Variants in STPG2 observed in about 807,000 individuals in gnomAD.
The protein encoded by STPG2 is sperm tail PG-rich repeat containing 2.
In STPG2, 56 loss-of-function variants were observed where a neutral mutation model predicts 54.2. The observed-to-expected ratio is 1.03, with a 90% CI of 0.83 to 1.29. The LOEUF (loss-of-function observed/expected upper bound fraction) is 1.29. STPG2 is among the 50% of genes most tolerant of loss of function. The probability of loss-of-function intolerance (pLI) is 0.00; values close to 1 mark genes in which losing one functional copy is unlikely to be tolerated. For missense variants in STPG2, 596 were observed against 544.9 expected (o/e 1.09, Z -0.93); for synonymous variants, 200 against 181.8 (o/e 1.10, Z -0.81).
chr4:97,492,852 T>C (rs1730530929), intron 4 of STPG2, among the ~76,000 whole-genome samples: 1 of 150,662 alleles, frequency 6.6e-6, no homozygotes, highest in Admixed American at 6.7e-5. Context: ...GAAGATTGTA[T>C]TTCTAAGATG....
At chr4:97,970,520 T>G (rs547460775) in intron 7 of STPG2, among the ~76,000 whole-genome samples, 2 of 152,258 alleles carry the variant, frequency 1.3e-5, no homozygotes, top group African/African-American at 4.8e-5. Flanking sequence ...TCTACAACCA[T>G]CTGATCTTTG....
chr4:97,591,360 T>C (rs1251156681), intron 10 of STPG2, among the ~76,000 whole-genome samples: 4 of 152,160 alleles, frequency 2.6e-5, no homozygotes, highest in Non-Finnish European at 5.9e-5. Context: ...TAGCAATGGA[T>C]GAATATATGT....
chr4:97,827,324 A>T (rs1301991456), intron 9 of STPG2, among the ~76,000 whole-genome samples: 1 of 146,718 alleles, frequency 6.8e-6, no homozygotes, highest in Non-Finnish European at 1.5e-5. Context: ...CAAGCTCCTC[A>T]TCCCGGGTTC....
At chr4:97,998,476 T>G (rs886752096) in intron 5 of STPG2, among the ~76,000 whole-genome samples, 1 of 152,126 alleles carries the variant, frequency 6.6e-6, no homozygotes, top group Non-Finnish European at 1.5e-5. Flanking sequence ...CTAGAAATAC[T>G]ACATGCATCA....
chr4:97,752,125 C>A (rs1725598908), intron 9 of STPG2, among the ~76,000 whole-genome samples: 1 of 151,740 alleles, frequency 6.6e-6, no homozygotes, highest in South Asian at 2.1e-4. Context: ...TTACTTACAT[C>A]CCTTTTAAAG....
intron 5 of STPG2, among the ~76,000 whole-genome samples, chr4:98,101,266 A>G (rs1490206698): frequency 2.0e-5 from 3 of 152,234 alleles, no homozygotes; most frequent in African/African-American, 7.2e-5. Flanking sequence ...AATCATAAAA[A>G]GTTAGGGATC....
chr4:97,564,990 G>C (rs1321421725), intron 10 of STPG2, among the ~76,000 whole-genome samples: 1 of 152,188 alleles, frequency 6.6e-6, no homozygotes, highest in Admixed American at 6.5e-5. Flanking sequence ...TGCCTTGCTA[G>C]ACTGGGGAAG....
chr4:97,897,974 T>C (rs1731025471), intron 8 of STPG2, among the ~76,000 whole-genome samples: 2 of 152,160 alleles, frequency 1.3e-5, no homozygotes, highest in South Asian at 4.1e-4. Flanking sequence ...CATGAAATCT[T>C]TGCCCACTCC....
chr4:97,590,638 G>GACACACAGACAC, intron 10 of STPG2, among the ~76,000 whole-genome samples: 1 of 138,708 alleles, frequency 7.2e-6, no homozygotes, highest in African/African-American at 2.6e-5. Flanking sequence ...CAGACACACA[G>GACACACAGACAC]ACACACACAC....
intron 9 of STPG2, among the ~76,000 whole-genome samples, chr4:97,836,715 C>G (rs1372087901): frequency 6.6e-6 from 1 of 151,518 alleles, no homozygotes; most frequent in East Asian, 1.9e-4. Context: ...CCTTCTTCCT[C>G]TATTAATCTG....
chr4:97,746,318 T>C (rs999192970), intron 9 of STPG2, among the ~76,000 whole-genome samples: 9 of 151,292 alleles, frequency 5.9e-5, no homozygotes, highest in African/African-American at 1.9e-4. Context: ...ATGATATTCA[T>C]ATTTAAGTCC....
chr4:98,084,937 A>AT (rs1310624234), intron 5 of STPG2, among the ~76,000 whole-genome samples: 1 of 152,124 alleles, frequency 6.6e-6, no homozygotes, highest in Non-Finnish European at 1.5e-5. Context: ...CTCAATGAGC[A>AT]TAAGTATTTA....
intron 10 of STPG2, among the ~76,000 whole-genome samples, chr4:97,634,995 CA>C (rs1317559020): frequency 5.3e-5 from 8 of 152,106 alleles, no homozygotes; most frequent in African/African-American, 1.7e-4. Flanking sequence ...GAGAACGCCA[CA>C]AAGATACTCC....
intron 9 of STPG2, among the ~76,000 whole-genome samples, chr4:97,754,588 G>A (rs1725673996): frequency 6.6e-6 from 1 of 151,992 alleles, no homozygotes; most frequent in African/African-American, 2.4e-5. Flanking sequence ...CCATACTCAG[G>A]TAGCTAACTC....
At chr4:97,493,872 A>T (rs1271477979) in intron 4 of STPG2, among the ~76,000 whole-genome samples, 2 of 151,612 alleles carry the variant, frequency 1.3e-5, no homozygotes, top group African/African-American at 4.8e-5. Flanking sequence ...GACTCTTTGC[A>T]AAGATGGAAT....
rs568633712 is a variant in STPG2, at chr4:97,793,360, G to A, written c.1204+47413C>T. On this transcript the variant is annotated intron_variant, in intron 9 of 10. Transcript: ENST00000295268. ...AGGGATTTATATATATAAAATTAGA[G>A]TTTTATATATACACACACACACACA... 4.1e-3 allele frequency among the ~76,000 whole-genome samples: 418 copies of A among 101,274 alleles called. 3 individuals are homozygous for A. Among genetic ancestry groups the A allele is most frequent in the African/African-American group, 0.017 (383 of 23,092 alleles). The allele number at this position is 101,274 out of a possible 152,430, so 66.4% of individuals were successfully genotyped here. A position where few individuals can be genotyped will look rare whatever the true frequency, so the allele number is the denominator to read the frequency against.
intron 8 of STPG2, among the ~76,000 whole-genome samples, chr4:97,905,062 T>C (rs1216942089): frequency 6.6e-6 from 1 of 151,922 alleles, no homozygotes; most frequent in East Asian, 1.9e-4. Context: ...ATTTCCCCAA[T>C]CTAGCAAGGC....
At chr4:97,539,604 ACAC>A (rs1289550547) in intron 4 of STPG2, among the ~76,000 whole-genome samples, 2 of 152,212 alleles carry the variant, frequency 1.3e-5, no homozygotes, top group African/African-American at 4.8e-5. Flanking sequence ...GGAGACGTTA[ACAC>A]CCCACTGTCA....
intron 10 of STPG2, among the ~76,000 whole-genome samples, chr4:97,674,420 C>A (rs112434121): frequency 6.6e-6 from 1 of 152,042 alleles, no homozygotes; most frequent in Non-Finnish European, 1.5e-5. Flanking sequence ...AAACCTGATA[C>A]AAAAGAGCAG....
Sources: gnomAD v4.1 joint callset for allele counts (sites outside exome capture counted in the v4.1 genomes callset) on GRCh38, gnomAD v4.1.1 for gene constraint, MANE v1.5 for transcripts, NCBI Gene and HGNC (gene_info 2026-07-23, HGNC 2026-07-21) for gene names.